The following PCED1B variants were observed in gnomAD, a reference collection of about 807,000 sequenced individuals.
PCED1B encodes the protein PC-esterase domain containing 1B.
For synonymous variants in PCED1B, 251 were observed against 246.1 expected, an observed-to-expected ratio of 1.02 and a Z score of -0.19; for missense variants, 573 against 573.9, an observed-to-expected ratio of 1.00 and a Z score of 0.02.
At chr12:47,173,334 A>G (rs1266765063) in intron 2 of PCED1B, among the ~76,000 whole-genome samples, 1 of 151,984 alleles carries the variant, frequency 6.6e-6, no homozygotes, top group Non-Finnish European at 1.5e-5. Flanking sequence ...GCTCACTACA[A>G]CCTCCACCTC....
Position 47,235,724 on chromosome 12 carries a change from G to GC in PCED1B, c.662dup (p.Arg222GlufsTer177). The GC allele has an allele frequency of 6.2e-7, 1 of 1,610,332 alleles. No individual in the cohort carries two copies. The highest frequency in any genetic ancestry group is 8.5e-7 in the Non-Finnish European group (1 of 1,178,566). On this transcript the variant is annotated frameshift_variant, in exon 4 of 4. Transcript: ENST00000546455. LOFTEE classifies it low-confidence loss of function (END_TRUNC). ...GGACTTGCATTTCCACTTCCGCCAC[G>GC]CGAGGGAGAACCTGCACTGGGACGG...
At chr12:47,153,547 C>A (rs1238656138) in intron 2 of PCED1B, among the ~76,000 whole-genome samples, 1 of 151,996 alleles carries the variant, frequency 6.6e-6, no homozygotes, top group Admixed American at 6.6e-5. Flanking sequence ...GGACAAAGAA[C>A]TGTGAACTGT....
chr12:47,195,933 T>C (rs1399422373), intron 2 of PCED1B, among the ~76,000 whole-genome samples: 2 of 152,232 alleles, frequency 1.3e-5, no homozygotes, highest in African/African-American at 2.4e-5. Context: ...AATAATTACA[T>C]TTTTTAAAAA....
At chr12:47,148,359 G>A (rs1940867907) in intron 2 of PCED1B, among the ~76,000 whole-genome samples, 1 of 152,186 alleles carries the variant, frequency 6.6e-6, no homozygotes, top group Admixed American at 6.5e-5. Context: ...ACTCAGAAAT[G>A]AGAATGGGAC....
At chr12:47,156,335 C>A (rs1017827839) in intron 2 of PCED1B, among the ~76,000 whole-genome samples, 1 of 152,138 alleles carries the variant, frequency 6.6e-6, no homozygotes, top group African/African-American at 2.4e-5. Context: ...CAAACAGGAA[C>A]AGGATTTTGC....
intron 1 of PCED1B, among the ~76,000 whole-genome samples, chr12:47,084,962 G>A (rs1225714298): frequency 1.3e-5 from 2 of 152,122 alleles, no homozygotes; most frequent in Non-Finnish European, 2.9e-5. Context: ...CATCTCTTCT[G>A]GCAAATCCCC....
intron 1 of PCED1B, among the ~76,000 whole-genome samples, chr12:47,094,880 TTTTC>T (rs1003435569): frequency 6.6e-6 from 1 of 151,894 alleles, no homozygotes; most frequent in African/African-American, 2.4e-5. Flanking sequence ...TGGAATTCTC[TTTTC>T]TTTCTCTCTC....
chr12:47,184,696 A>G (rs1311033803), intron 2 of PCED1B, among the ~76,000 whole-genome samples: 1 of 151,868 alleles, frequency 6.6e-6, no homozygotes, highest in Non-Finnish European at 1.5e-5. Flanking sequence ...ATCTACAAAT[A>G]CCGTCATTTC....
At chr12:47,173,171 C>T (rs1880599) in intron 2 of PCED1B, among the ~76,000 whole-genome samples, 49,486 of 151,950 alleles carry the variant, frequency 0.33, 8,434 homozygotes, top group East Asian at 0.57. Flanking sequence ...AAGGAAAAAA[C>T]CAACCACCAG....
At chr12:47,139,810 T>C (rs1160194567) in intron 2 of PCED1B, among the ~76,000 whole-genome samples, 2 of 152,100 alleles carry the variant, frequency 1.3e-5, no homozygotes, top group South Asian at 2.1e-4. Context: ...TGATGTGGCA[T>C]GTGTATAGCG....
At chr12:47,231,939 G>A (rs1316778278) in intron 3 of PCED1B, among the ~76,000 whole-genome samples, 2 of 152,172 alleles carry the variant, frequency 1.3e-5, no homozygotes, top group African/African-American at 4.8e-5. Flanking sequence ...TCTAGAGTGG[G>A]AAGGAATACT....
In PCED1B at chr12:47,120,683, T is replaced by G. The variant is rs1939638637; in HGVS notation, c.-526+16488T>G. ...TAGGCATGGTGGTCAGTACCTGTAATTCCAGCTACTCGAGAGGCTGAGGCA... is the reference window on the plus strand; with the variant it reads ...TAGGCATGGTGGTCAGTACCTGTAAGTCCAGCTACTCGAGAGGCTGAGGCA... On this transcript the variant is annotated intron_variant, in intron 2 of 3. Transcript: ENST00000546455. Among the ~76,000 whole-genome samples the G allele has an allele frequency of 2.0e-5, 3 of 152,078 alleles. No individual in the cohort carries two copies. In the South Asian group the frequency reaches 6.2e-4, roughly 32 times the overall value.
chr12:47,182,681 A>T (rs1416833936), intron 2 of PCED1B, among the ~76,000 whole-genome samples: 1 of 152,150 alleles, frequency 6.6e-6, no homozygotes, highest in African/African-American at 2.4e-5. Flanking sequence ...CAGGAGGCAG[A>T]TTATTAGTGC....
Position 47,165,470 on chromosome 12 carries a change from T to C in PCED1B, c.-525-50752T>C, listed in dbSNP as rs115297918. 6.5e-3 allele frequency among the ~76,000 whole-genome samples: 996 copies of C among 152,340 alleles called. 6 individuals are homozygous for C. The highest frequency in any genetic ancestry group is 0.023 in the African/African-American group (949 of 41,574). On this transcript the variant is annotated intron_variant, in intron 2 of 3. Transcript: ENST00000546455. Reference sequence around the variant, plus strand: ...ATGGGGAAAGATTCTGAGAGCTAATTTGGCACATATTATTTTAACAACTCC... The same window carrying C: ...ATGGGGAAAGATTCTGAGAGCTAATCTGGCACATATTATTTTAACAACTCC...
At chr12:47,139,048 CTG>C (rs1188844193) in intron 2 of PCED1B, among the ~76,000 whole-genome samples, 1 of 152,152 alleles carries the variant, frequency 6.6e-6, no homozygotes, top group East Asian at 1.9e-4. Flanking sequence ...CTTGAATAGA[CTG>C]TAAGTTTCAT....
rs76529942 is a variant in PCED1B, at chr12:47,123,249, A to T, written c.-526+19054A>T. The stretch of plus-strand genomic sequence containing the variant: ...CCTTTCTTAACAACTTTTGTTAGGT[A>T]AAAAAGTGCTTTCATGTTACCGAAC... On this transcript the variant is annotated intron_variant, in intron 2 of 3. Transcript: ENST00000546455. 1.2e-3 allele frequency among the ~76,000 whole-genome samples: 187 copies of T among 152,264 alleles called. 7 individuals carry two copies. The East Asian group carries it at 0.026, about 21-fold the overall frequency.
intron 2 of PCED1B, among the ~76,000 whole-genome samples, chr12:47,156,438 C>G (rs1391911413): frequency 6.6e-6 from 1 of 152,062 alleles, no homozygotes; most frequent in Non-Finnish European, 1.5e-5. Flanking sequence ...CAAATGTGTC[C>G]TTTTCTCACA....
chr12:47,088,966 A>T (rs766592299), intron 1 of PCED1B, among the ~76,000 whole-genome samples: 11 of 152,188 alleles, frequency 7.2e-5, no homozygotes, highest in Non-Finnish European at 1.5e-4. Context: ...TAGAAACAGA[A>T]TATGCATTGC....
rs764680746 is a variant in PCED1B at position 47,217,478 on chromosome 12, A to AAG, written c.-58+791_-58+792dup. 5.4e-4 allele frequency among the ~76,000 whole-genome samples: 61 copies of AAG among 112,240 alleles called. 1 individual carries two copies. The highest frequency in any genetic ancestry group is 2.3e-3 in the African/African-American group (60 of 26,584). 73.6% of individuals were successfully genotyped at this position (112,240 alleles called of 152,430 possible). The stretch of plus-strand genomic sequence containing the variant: ...AAAGAAAAAGAAAGAAAGAGAAAGA[A>AAG]AGAAAGAAAGAAAGAAAGAAAGAAA... On this transcript the variant is annotated intron_variant, in intron 3 of 3. Transcript: ENST00000546455.
Sources: allele counts gnomAD v4.1 joint callset (sites outside exome capture counted in the v4.1 genomes callset), GRCh38; gene constraint gnomAD v4.1.1; transcripts MANE v1.5; gene names NCBI Gene and HGNC (gene_info 2026-07-23, HGNC 2026-07-21).